Variants in RAB39A observed in about 807,000 individuals in gnomAD.
The protein encoded by RAB39A is ras-related protein Rab-39A.
In RAB39A, 17 loss-of-function variants were observed where a neutral mutation model predicts 20.9. That is an observed-to-expected ratio of 0.81 (90% CI 0.56 to 1.22). The LOEUF is 1.22. RAB39A is among the 50% of genes most tolerant of loss of function. RAB39A has a pLI of 0.00. For missense variants in RAB39A, 234 were observed against 270.5 expected, an observed-to-expected ratio of 0.87 and a Z score of 0.95; for synonymous variants, 99 against 103.4, an observed-to-expected ratio of 0.96 and a Z score of 0.26.
chr11:107,937,776 G>T (rs1861210913), intron 1 of RAB39A, among the ~76,000 whole-genome samples: 2 of 152,066 alleles, frequency 1.3e-5, no homozygotes, highest in South Asian at 4.1e-4. Flanking sequence ...AACTCTGTTG[G>T]CTCCTAGCTC....
At chr11:107,960,008 G>A (rs775574991) in intron 1 of RAB39A, among the ~76,000 whole-genome samples, 6 of 152,030 alleles carry the variant, frequency 3.9e-5, no homozygotes, top group Non-Finnish European at 7.4e-5. Context: ...TCAAGAGATC[G>A]AGAGCATCTT....
At position 107,928,901 on chromosome 11, in the gene RAB39A, C is replaced by G. The variant is rs1861110457; in HGVS notation, c.227+106C>G. 1.1e-6 allele frequency: 1 copy of G among 883,838 alleles called. No homozygotes were observed. The highest frequency in any genetic ancestry group is 1.6e-6 in the Non-Finnish European group (1 of 606,630). 54.7% of individuals were successfully genotyped at this position (883,838 alleles called of 1,614,324 possible). A position where few individuals can be genotyped will look rare whatever the true frequency, so the allele number is the denominator to read the frequency against. ...GGCCCTGGTCGGGAGAGGCTCTGGC[C>G]CTTCCCTCTCGAAAGTGCAAACACT... On this transcript the variant is annotated intron_variant, in intron 1 of 1. Coordinates refer to ENST00000320578, the MANE Select transcript of RAB39A (RefSeq NM_017516.3). This position sits in a 1 kb window ranked among gnomAD's most constrained non-coding sequence, Gnocchi z 4.9.
intron 1 of RAB39A, among the ~76,000 whole-genome samples, chr11:107,960,373 TAAGA>T (rs1378466360): frequency 6.6e-6 from 1 of 152,106 alleles, no homozygotes; most frequent in East Asian, 1.9e-4. Context: ...GAAGAGTACC[TAAGA>T]AAGAGGTGAG....
intron 1 of RAB39A, among the ~76,000 whole-genome samples, chr11:107,942,670 A>G (rs1193004945): frequency 6.6e-6 from 1 of 152,100 alleles, no homozygotes; most frequent in African/African-American, 2.4e-5. Context: ...TACTTGCCCA[A>G]GGCCTTATAG....
chr11:107,940,051 A>C (rs1238037275), intron 1 of RAB39A, among the ~76,000 whole-genome samples: 1 of 152,096 alleles, frequency 6.6e-6, no homozygotes, highest in African/African-American at 2.4e-5. Context: ...TTGAAGAGGA[A>C]TTTCTTGGAA....
chr11:107,958,329 T>C (rs1352829013), intron 1 of RAB39A, among the ~76,000 whole-genome samples: 1 of 152,200 alleles, frequency 6.6e-6, no homozygotes, highest in Non-Finnish European at 1.5e-5. Context: ...CTAGTGCTTT[T>C]AGAGTCTGTT....
In RAB39A at chr11:107,942,098, C is replaced by CAAAA. The variant is rs10537482; in HGVS notation, c.227+13323_227+13326dup. Reference sequence around the variant, plus strand: ...TGGGCAACAGAGAGAGATTCCATCTCAAAAAAAAAAAAAAAAAAAAAAAGA... The same window carrying CAAAA: ...TGGGCAACAGAGAGAGATTCCATCTCAAAAAAAAAAAAAAAAAAAAAAAAAAAGA... On this transcript the variant is annotated intron_variant, in intron 1 of 1. Transcript: ENST00000320578. Among the ~76,000 whole-genome samples, 52 of 83,688 alleles carry CAAAA rather than the reference C, an allele frequency of 6.2e-4. 2 individuals are homozygous for CAAAA. The highest frequency in any genetic ancestry group is 1.3e-3 in the African/African-American group (26 of 20,124). The allele number at this position is 83,688 out of a possible 152,430, so 54.9% of individuals were successfully genotyped here.
chr11:107,955,359 T>C (rs969196048), intron 1 of RAB39A, among the ~76,000 whole-genome samples: 1 of 152,098 alleles, frequency 6.6e-6, no homozygotes, highest in African/African-American at 2.4e-5. Context: ...TTCCTGGGCC[T>C]GATGAGCATT....
At chr11:107,946,496 A>G (rs1861320215) in intron 1 of RAB39A, among the ~76,000 whole-genome samples, 1 of 79,902 alleles carries the variant, frequency 1.3e-5, no homozygotes, top group Admixed American at 1.9e-4. Flanking sequence ...TTTTTGAGAC[A>G]GAGTCTCGCT....
chr11:107,953,112 A>C, intron 1 of RAB39A, among the ~76,000 whole-genome samples: 1 of 152,204 alleles, frequency 6.6e-6, no homozygotes, highest in Non-Finnish European at 1.5e-5. Context: ...GGCACTTAAA[A>C]TTAACAGTGC....
At chr11:107,951,477 G>A (rs1861378188) in intron 1 of RAB39A, among the ~76,000 whole-genome samples, 1 of 152,062 alleles carries the variant, frequency 6.6e-6, no homozygotes, top group Non-Finnish European at 1.5e-5. Context: ...GCATTTCCAG[G>A]GTGGGAACAT....
chr11:107,937,457 G>A (rs1861206446), intron 1 of RAB39A, among the ~76,000 whole-genome samples: 1 of 151,978 alleles, frequency 6.6e-6, no homozygotes, highest in Admixed American at 6.6e-5. Flanking sequence ...GTTTAATAGG[G>A]AATAAATTAT....
At chr11:107,950,366 A>C (rs1172569132) in intron 1 of RAB39A, among the ~76,000 whole-genome samples, 1 of 152,174 alleles carries the variant, frequency 6.6e-6, no homozygotes. Flanking sequence ...GCCTGGGCAC[A>C]AGCTAATGAG....
intron 1 of RAB39A, among the ~76,000 whole-genome samples, chr11:107,954,115 TC>T (rs1246700596): frequency 6.6e-6 from 1 of 152,138 alleles, no homozygotes; most frequent in African/African-American, 2.4e-5. Context: ...CATATCTGTG[TC>T]CCCTCAATGA....
chr11:107,937,454 A>G (rs117963538), intron 1 of RAB39A, among the ~76,000 whole-genome samples: 3,060 of 152,288 alleles, frequency 0.02, 48 homozygotes, highest in Middle Eastern at 0.037. Context: ...TTAGTTTAAT[A>G]GGGAATAAAT....
intron 1 of RAB39A, among the ~76,000 whole-genome samples, chr11:107,953,005 G>T (rs1861396957): frequency 6.6e-6 from 1 of 152,234 alleles, no homozygotes; most frequent in African/African-American, 2.4e-5. Context: ...GATGGTTCTT[G>T]GAGGCTGTGG....
Position 107,962,629 on chromosome 11 carries a change from C to T in RAB39A, c.*257C>T. On this transcript the variant is annotated 3_prime_UTR_variant, in exon 2 of 2. Transcript: ENST00000320578. ...TCCATTCTTACTTTGTTAGCATACG[C>T]TGACCTTAGTGTCCAGATATGTCAC... The T allele has an allele frequency of 5.6e-6, 2 of 355,394 alleles. No homozygotes were observed. Among genetic ancestry groups the T allele is most frequent in the Non-Finnish European group, 1.0e-5 (2 of 196,478 alleles). 22.0% of individuals were successfully genotyped at this position (355,394 alleles called of 1,614,324 possible).
intron 1 of RAB39A, among the ~76,000 whole-genome samples, chr11:107,935,900 CTTTTTTTTTT>C (rs561399074): frequency 1.2e-5 from 1 of 81,610 alleles, no homozygotes; most frequent in African/African-American, 4.7e-5. Flanking sequence ...GTCCTGGCCA[CTTTTTTTTTT>C]TTTTTTTTTT....
chr11:107,933,785 T>C (rs1195928954), intron 1 of RAB39A, among the ~76,000 whole-genome samples: 2 of 151,528 alleles, frequency 1.3e-5, no homozygotes, highest in African/African-American at 2.4e-5. Flanking sequence ...CTCAGCCTCC[T>C]GAGTAGCTGG....
Sources: gnomAD v4.1 joint callset for allele counts (sites outside exome capture counted in the v4.1 genomes callset) on GRCh38, gnomAD v4.1.1 for gene constraint, Gnocchi (gnomAD v3.1) non-coding constraint, MANE v1.5 for transcripts, NCBI Gene and HGNC (gene_info 2026-07-23, HGNC 2026-07-21) for gene names.